Variants in PHKB observed in about 807,000 individuals in gnomAD.
PHKB encodes the protein phosphorylase b kinase regulatory subunit beta.
A neutral mutation model predicts 152.1 loss-of-function variants in PHKB; 122 were observed. That is an observed-to-expected ratio of 0.80 (90% CI 0.69 to 0.93). The LOEUF is 0.93. PHKB is among the 40% of genes least tolerant of loss of function. PHKB has a pLI of 0.00. For missense variants in PHKB, 1,304 were observed against 1,328.4 expected, an observed-to-expected ratio of 0.98 and a Z score of 0.29; for synonymous variants, 436 against 464.9, an observed-to-expected ratio of 0.94 and a Z score of 0.80.
chr16:47,677,132 C>T (rs183248909), intron 26 of PHKB, among the ~76,000 whole-genome samples: 42 of 152,234 alleles, frequency 2.8e-4, no homozygotes, highest in African/African-American at 9.2e-4. Flanking sequence ...TTCATTAGCA[C>T]GGTTCTGATA....
intron 7 of PHKB, chr16:47,561,294 A>C (rs1971471466): frequency 1.3e-5 from 2 of 152,180 alleles, no homozygotes; most frequent in African/African-American, 2.4e-5. Context: ...ATCATTGTAC[A>C]GTTGTGATTT....
Position 47,589,062 on chromosome 16 carries a change from A to C in PHKB, c.1028A>C (p.Glu343Ala). ...AGAGATGGGTATAGAACATCATTGG[A>C]AGATCCCAACAGATGCTACTACAAG... Reference protein sequence around the residue: ...FLRDGYRTSLEDPNRCYYKPA... With the variant: ...FLRDGYRTSLADPNRCYYKPA... The change falls in exon 10 of 31, where the codon GAA becomes GCA. Residue 343 changes from glutamate (E) to alanine (A), a missense_variant. Physicochemically the swap from Glu to Ala is moderately radical, Grantham distance 107. Transcript: ENST00000323584. 6.2e-7 allele frequency: 1 copy of C among 1,613,588 alleles called. No homozygotes were observed. Among genetic ancestry groups the C allele is most frequent in the Non-Finnish European group, 8.5e-7 (1 of 1,179,544 alleles).
intron 1 of PHKB, among the ~76,000 whole-genome samples, chr16:47,495,629 G>A (rs1254950183): frequency 6.6e-6 from 1 of 152,092 alleles, no homozygotes; most frequent in Admixed American, 6.5e-5. Flanking sequence ...GAGCTTCACT[G>A]GGAGTGTATA....
intron 1 of PHKB, among the ~76,000 whole-genome samples, chr16:47,488,975 G>C (rs1970098825): frequency 6.6e-6 from 1 of 152,080 alleles, no homozygotes; most frequent in Non-Finnish European, 1.5e-5. Context: ...TTCTATTTCT[G>C]TGTAAAATGT....
chr16:47,530,105 A>G lies in PHKB; in HGVS notation c.594+14504A>G, dbSNP rs571033021. Reference sequence around the variant, plus strand: ...CAGACCCTTTAGTTTGAGGGACAAGAAAAGGAGATACTGATTATATAAACT... The same window carrying G: ...CAGACCCTTTAGTTTGAGGGACAAGGAAAGGAGATACTGATTATATAAACT... On this transcript the variant is annotated intron_variant, in intron 6 of 30. Coordinates refer to ENST00000323584, the MANE Select transcript of PHKB (RefSeq NM_000293.3). Among the ~76,000 whole-genome samples, 348 of 152,022 alleles carry G rather than the reference A, an allele frequency of 2.3e-3. 1 individual carries two copies. The highest frequency in any genetic ancestry group is 3.4e-3 in the Non-Finnish European group (232 of 67,974).
chr16:47,566,584 A>T, intron 7 of PHKB: 1 of 1,525,588 alleles, frequency 6.6e-7, no homozygotes, highest in Non-Finnish European at 9.0e-7. Flanking sequence ...GTCACATCAT[A>T]GGGTAGGTTC....
Position 47,502,996 on chromosome 16 carries a change from TTGA to T in PHKB, c.318_320del (p.Asp107del). Reference sequence around the variant, plus strand: ...GAGTTATCTCTCTCACCCAGGCGAATTGATGATGACAAGGGAAGGACCCATGAG... The same window carrying T: ...GAGTTATCTCTCTCACCCAGGCGAATTGATGACAAGGGAAGGACCCATGAG... On this transcript the variant is annotated inframe_deletion, in exon 4 of 31. Transcript: ENST00000323584. 6.2e-7 allele frequency: 1 copy of T among 1,609,624 alleles called. No individual in the cohort carries two copies. The highest frequency in any genetic ancestry group is 8.5e-7 in the Non-Finnish European group (1 of 1,175,894).
chr16:47,646,530 T>TA (rs1208539721), intron 16 of PHKB, among the ~76,000 whole-genome samples: 3,168 of 44,594 alleles, frequency 0.071, 60 homozygotes, highest in African/African-American at 0.12. Context: ...TAGAGTATAA[T>TA]AAAAAAAAAA....
At chr16:47,488,157 T>C (rs1024979078) in intron 1 of PHKB, among the ~76,000 whole-genome samples, 3 of 152,210 alleles carry the variant, frequency 2.0e-5, no homozygotes, top group African/African-American at 4.8e-5. Context: ...TGGTATCTCA[T>C]TGTGGTTCTG....
chr16:47,676,770 CATT>C (rs1182764761), intron 26 of PHKB, among the ~76,000 whole-genome samples: 1 of 152,196 alleles, frequency 6.6e-6, no homozygotes, highest in Non-Finnish European at 1.5e-5. Context: ...TTTGCTGTCT[CATT>C]ATTGATTTGT....
intron 3 of PHKB, 38 bp from the exon 4 acceptor site, chr16:47,502,953 A>C (rs751072223): frequency 7.6e-7 from 1 of 1,319,358 alleles, no homozygotes; most frequent in Non-Finnish European, 1.1e-6. Context: ...TTTCAAATGC[A>C]TTTCCAATTA....
chr16:47,478,704 G>A (rs1002819094), intron 1 of PHKB, among the ~76,000 whole-genome samples: 3 of 152,008 alleles, frequency 2.0e-5, no homozygotes, highest in African/African-American at 7.2e-5. Flanking sequence ...TGTGGTAAAT[G>A]CTCTGATATT....
At chr16:47,552,939 C>T (rs1461769430) in intron 7 of PHKB, among the ~76,000 whole-genome samples, 2 of 152,126 alleles carry the variant, frequency 1.3e-5, no homozygotes, top group African/African-American at 4.8e-5. Flanking sequence ...GTGGGTAACC[C>T]AACCTTTCTC....
intron 12 of PHKB, 35 bp downstream of exon 12, chr16:47,594,249 A>G (rs902587157): frequency 4.8e-6 from 5 of 1,034,732 alleles, no homozygotes; most frequent in African/African-American, 3.1e-5. Flanking sequence ...CTTCCTACCA[A>G]CATTTCCTGA....
intron 1 of PHKB, among the ~76,000 whole-genome samples, chr16:47,479,158 C>T (rs190176316): frequency 6.6e-5 from 10 of 152,048 alleles, no homozygotes; most frequent in Admixed American, 4.6e-4. Context: ...GTTTTAGGGC[C>T]GAGGCTGGAT....
At chr16:47,555,867 G>C (rs1401049940) in intron 7 of PHKB, among the ~76,000 whole-genome samples, 1 of 152,188 alleles carries the variant, frequency 6.6e-6, no homozygotes, top group African/African-American at 2.4e-5. Flanking sequence ...ACCATGGGCA[G>C]TATGGCCATT....
intron 6 of PHKB, among the ~76,000 whole-genome samples, chr16:47,538,554 G>C (rs1597066089): frequency 6.6e-6 from 1 of 152,242 alleles, no homozygotes; most frequent in Non-Finnish European, 1.5e-5. Flanking sequence ...AAATGAGGGA[G>C]GTATGCTTGC....
chr16:47,474,805 A>C lies in PHKB; in HGVS notation c.76+13379A>C, dbSNP rs532695338. ...AATGATGCAATCTCAGCTCACTGCA[A>C]CCTCCATCTCCCAGGTTCAAGCGAT... On this transcript the variant is annotated intron_variant, in intron 1 of 30. Transcript: ENST00000323584. 2.4e-4 allele frequency among the ~76,000 whole-genome samples: 37 copies of C among 151,734 alleles called. No homozygotes were observed. The South Asian group carries it at 7.3e-3, about 30-fold the overall frequency.
chr16:47,689,723 T>A (rs1281031568), intron 27 of PHKB, among the ~76,000 whole-genome samples: 2 of 152,222 alleles, frequency 1.3e-5, no homozygotes, highest in East Asian at 3.8e-4. Context: ...AGGAAAGTAT[T>A]TATTGAGTAC....
Sources: gnomAD v4.1 joint callset for allele counts (sites outside exome capture counted in the v4.1 genomes callset) on GRCh38, gnomAD v4.1.1 for gene constraint, MANE v1.5 for transcripts, NCBI Gene and HGNC (gene_info 2026-07-23, HGNC 2026-07-21) for gene names.